PNLIPRP3: variants seen among roughly 807,000 people sequenced by gnomAD.
PNLIPRP3 encodes the protein pancreatic lipase related protein 3.
A neutral mutation model predicts 52.8 loss-of-function variants in PNLIPRP3; 58 were observed. That is an observed-to-expected ratio of 1.10 (90% CI 0.89 to 1.37). PNLIPRP3 has a LOEUF of 1.37. Among genes scored for constraint, PNLIPRP3 ranks in the 40% most tolerant of loss-of-function variants. PNLIPRP3 has a pLI of 0.00. For missense variants in PNLIPRP3, 593 were observed against 561.6 expected (o/e 1.06, Z -0.57); for synonymous variants, 192 against 185.0 (o/e 1.04, Z -0.31).
In PNLIPRP3 at chr10:116,477,109, G is replaced by C; in HGVS notation, c.1360G>C (p.Asp454His). ...YGYKSTFCSQDIMGPNILQNL... is the reference protein window; with the variant it reads ...YGYKSTFCSQHIMGPNILQNL... ...TTTCAGATCTACCTTCTGTAGCCAA[G>C]ACATTATGGGACCTAATATTCTCCA... The change falls in exon 12 of 12, where the codon GAC becomes CAC. Residue 454 changes from aspartate (D) to histidine (H), a missense_variant. Transcript: ENST00000369230. 2 of 1,595,606 alleles carry C rather than the reference G, an allele frequency of 1.3e-6. No homozygotes were observed. The highest frequency in any genetic ancestry group is 1.7e-6 in the Non-Finnish European group (2 of 1,167,834).
At chr10:116,459,711 C>A (rs1258275366) in intron 5 of PNLIPRP3, among the ~76,000 whole-genome samples, 1 of 152,190 alleles carries the variant, frequency 6.6e-6, no homozygotes, top group African/African-American at 2.4e-5. Context: ...GGTTGCTGGC[C>A]ACCTTACCTT....
intron 4 of PNLIPRP3, among the ~76,000 whole-genome samples, chr10:116,455,481 C>T (rs766923109): frequency 9.9e-5 from 15 of 152,284 alleles, no homozygotes; most frequent in Non-Finnish European, 1.5e-4. Flanking sequence ...CCAAGGACCA[C>T]AGGCCAGCCC....
At position 116,476,812 on chromosome 10, in the gene PNLIPRP3, G is replaced by A. The variant is rs1201282825; in HGVS notation, c.1333G>A (p.Gly445Arg). 2 of 1,592,718 alleles carry A rather than the reference G, an allele frequency of 1.3e-6. No individual in the cohort carries two copies. The highest frequency in any genetic ancestry group is 3.6e-5 in the Admixed American group (2 of 55,044). ...EMVINTSGKY[G>R]YKSTFCSQDI... ...GGTGATAAATACATCTGGGAAATAT[G>A]GATATAAGTAAGTATTGCTTTTTCC... The change falls in exon 11 of 12, where the codon GGA becomes AGA. Residue 445 changes from glycine (G) to arginine (R), a missense_variant. By Grantham distance (125) the Gly-to-Arg change is moderately radical. Transcript: ENST00000369230.
chr10:116,441,137 A>G (rs953435589), intron 2 of PNLIPRP3, among the ~76,000 whole-genome samples: 16 of 152,120 alleles, frequency 1.1e-4, no homozygotes, highest in Admixed American at 7.2e-4. Context: ...TTTATGTTGA[A>G]AAGCTGCTTT....
At chr10:116,444,777 A>T (rs1845919811) in intron 4 of PNLIPRP3, among the ~76,000 whole-genome samples, 1 of 152,248 alleles carries the variant, frequency 6.6e-6, no homozygotes, top group Admixed American at 6.5e-5. Context: ...TGCCTTGGTC[A>T]GCATGTTAGA....
chr10:116,436,601 CAATAAGGGG>C, intron 1 of PNLIPRP3, 101 bp from the exon 2 acceptor site: 1 of 1,126,040 alleles, frequency 8.9e-7, no homozygotes, highest in Non-Finnish European at 1.2e-6. Context: ...GCCATAAATC[CAATAAGGGG>C]TTAATTTCCA....
intron 4 of PNLIPRP3, among the ~76,000 whole-genome samples, chr10:116,449,719 C>A (rs980673050): frequency 3.9e-5 from 6 of 152,076 alleles, no homozygotes; most frequent in Non-Finnish European, 7.4e-5. Context: ...CTTATTTGAA[C>A]AACAACTTCA....
chr10:116,472,584 A>G (rs978605010), intron 10 of PNLIPRP3, among the ~76,000 whole-genome samples: 1 of 152,182 alleles, frequency 6.6e-6, no homozygotes, highest in Non-Finnish European at 1.5e-5. Context: ...CAGGCACGAA[A>G]AGCAGAGATT....
intron 2 of PNLIPRP3, among the ~76,000 whole-genome samples, chr10:116,437,594 G>A (rs917384380): frequency 6.6e-6 from 1 of 152,246 alleles, no homozygotes; most frequent in Non-Finnish European, 1.5e-5. Context: ...TGTGGAGTTT[G>A]TACTTCATCC....
intron 5 of PNLIPRP3, among the ~76,000 whole-genome samples, chr10:116,456,329 A>G (rs2133137168): frequency 1.3e-5 from 2 of 152,342 alleles, no homozygotes; most frequent in Admixed American, 1.3e-4. Flanking sequence ...CTAGAAGAGA[A>G]GGACTGTAAT....
chr10:116,457,774 G>C (rs1846136384), intron 5 of PNLIPRP3, among the ~76,000 whole-genome samples: 1 of 152,164 alleles, frequency 6.6e-6, no homozygotes, highest in African/African-American at 2.4e-5. Flanking sequence ...ACTGGGTTAT[G>C]ATCAATTCAA....
chr10:116,428,308 A>G (rs1298291100), intron 1 of PNLIPRP3, among the ~76,000 whole-genome samples: 1 of 152,176 alleles, frequency 6.6e-6, no homozygotes, highest in Admixed American at 6.6e-5. Flanking sequence ...TCTTATGAAC[A>G]TAAAGAAGCA....
intron 10 of PNLIPRP3, among the ~76,000 whole-genome samples, chr10:116,476,195 A>C (rs1277506082): frequency 2.0e-5 from 3 of 152,214 alleles, no homozygotes; most frequent in Non-Finnish European, 4.4e-5. Flanking sequence ...TGGTTAAAGA[A>C]GGTACCAGAA....
At chr10:116,453,978 C>A (rs1202633269) in intron 4 of PNLIPRP3, among the ~76,000 whole-genome samples, 1 of 152,070 alleles carries the variant, frequency 6.6e-6, no homozygotes, top group African/African-American at 2.4e-5. Flanking sequence ...TTGTTCCCTC[C>A]CTGTGTCCAT....
At chr10:116,445,572 C>G in intron 4 of PNLIPRP3, among the ~76,000 whole-genome samples, 1 of 119,238 alleles carries the variant, frequency 8.4e-6, no homozygotes, top group African/African-American at 2.8e-5. Flanking sequence ...AAAAAAAAGC[C>G]AGCTGTAAGC....
At chr10:116,456,043 A>G (rs1846108857) in intron 5 of PNLIPRP3, among the ~76,000 whole-genome samples, 1 of 152,256 alleles carries the variant, frequency 6.6e-6, no homozygotes, top group Admixed American at 6.5e-5. Context: ...GTGACAAAGT[A>G]AGAGAAACTA....
intron 4 of PNLIPRP3, among the ~76,000 whole-genome samples, chr10:116,453,082 G>A (rs372638876): frequency 1.3e-5 from 2 of 152,182 alleles, no homozygotes; most frequent in East Asian, 1.9e-4. Flanking sequence ...AGCCACAGGG[G>A]CAGGGCTGCC....
intron 9 of PNLIPRP3, 97 bp downstream of exon 9, chr10:116,469,414 T>A: frequency 8.1e-7 from 1 of 1,237,932 alleles, no homozygotes; most frequent in South Asian, 1.7e-5. Flanking sequence ...AACTGGGCAT[T>A]AGGCCAGACT....
At chr10:116,469,432 C>A in intron 9 of PNLIPRP3, 115 bp downstream of exon 9, 1 of 1,058,486 alleles carries the variant, frequency 9.4e-7, no homozygotes, top group Non-Finnish European at 1.3e-6. Flanking sequence ...ACTGGGATTT[C>A]AGTGAAGAAC....
Sources: allele counts gnomAD v4.1 joint callset (sites outside exome capture counted in the v4.1 genomes callset), GRCh38; gene constraint gnomAD v4.1.1; transcripts MANE v1.5; gene names NCBI Gene and HGNC (gene_info 2026-07-23, HGNC 2026-07-21).